Variants in FRMD4B observed in about 807,000 individuals in gnomAD.
FRMD4B encodes FERM domain containing 4B.
Under a neutral mutation model 141.5 loss-of-function variants are expected in FRMD4B, and 74 were observed. That is an observed-to-expected ratio of 0.52 (90% CI 0.43 to 0.63). The LOEUF (loss-of-function observed/expected upper bound fraction) is 0.63. Among genes scored for constraint, FRMD4B ranks in the 30% least tolerant of loss-of-function variants. The probability of loss-of-function intolerance (pLI) is 0.00; values close to 1 mark genes in which losing one functional copy is unlikely to be tolerated. For synonymous variants in FRMD4B, 506 were observed against 467.9 expected (o/e 1.08, Z -1.05); for missense variants, 1,366 against 1,253.4 (o/e 1.09, Z -1.36).
chr3:69,267,332 A>G (rs1322903009), intron 5 of FRMD4B, among the ~76,000 whole-genome samples: 2 of 152,126 alleles, frequency 1.3e-5, no homozygotes, highest in Non-Finnish European at 2.9e-5. Flanking sequence ...AGTTATACCC[A>G]CTAAATGCAA....
intron 11 of FRMD4B, among the ~76,000 whole-genome samples, chr3:69,203,341 A>AAAAAAAAAAAG (rs1553700373): frequency 1.7e-4 from 13 of 77,028 alleles, no homozygotes; most frequent in East Asian, 3.1e-4. Flanking sequence ...AAAAAAAAAA[A>AAAAAAAAAAAG]AAAGAAAGAA....
chr3:69,310,078 C>A (rs1701526840), intron 3 of FRMD4B, among the ~76,000 whole-genome samples: 1 of 152,190 alleles, frequency 6.6e-6, no homozygotes, highest in Admixed American at 6.5e-5. Context: ...TGAGAGATGT[C>A]TAGTGTACTT....
intron 5 of FRMD4B, among the ~76,000 whole-genome samples, chr3:69,258,196 G>C (rs1430781991): frequency 6.6e-6 from 1 of 152,022 alleles, no homozygotes; most frequent in Non-Finnish European, 1.5e-5. Context: ...GAACTCCTGG[G>C]CTCAAGCAAT....
intron 1 of FRMD4B, among the ~76,000 whole-genome samples, chr3:69,365,882 T>C (rs1326902120): frequency 6.6e-6 from 1 of 152,180 alleles, no homozygotes; most frequent in South Asian, 2.1e-4. Context: ...CTCCCACAAA[T>C]GTTTTATGTA....
intron 11 of FRMD4B, among the ~76,000 whole-genome samples, chr3:69,205,465 T>C (rs1380778875): frequency 6.6e-6 from 1 of 152,162 alleles, no homozygotes; most frequent in Non-Finnish European, 1.5e-5. Flanking sequence ...CGCCTTGGCT[T>C]CCTAAAGTGC....
rs1553691418 is a variant in FRMD4B at position 69,169,353 on chromosome 3, C to CTTCCTTTTTTTTTTTT, written c.*2507_*2508insAAAAAAAAAAAAGGAA. Among the ~76,000 whole-genome samples, 1 of 29,286 alleles carries CTTCCTTTTTTTTTTTT rather than the reference C, an allele frequency of 3.4e-5. No individual in the cohort carries two copies. 19.2% of individuals were successfully genotyped at this position (29,286 alleles called of 152,430 possible). A position where few individuals can be genotyped will look rare whatever the true frequency, so the allele number is the denominator to read the frequency against. ...AGGATTGCTGAACTTCCATTTCTTT[C>CTTCCTTTTTTTTTTTT]TTTTTTTTTTTTTTTTTTTTTTCTT... On this transcript the variant is annotated 3_prime_UTR_variant, in exon 23 of 23. Coordinates refer to ENST00000398540, the MANE Select transcript of FRMD4B (RefSeq NM_015123.3).
intron 1 of FRMD4B, among the ~76,000 whole-genome samples, chr3:69,443,442 T>G (rs1705368438): frequency 6.6e-6 from 1 of 152,306 alleles, no homozygotes; most frequent in South Asian, 2.1e-4. Context: ...GTGAAGTGTT[T>G]CTCTGAGTTC....
chr3:69,301,248 T>G (rs760298906), intron 4 of FRMD4B, among the ~76,000 whole-genome samples: 30 of 152,276 alleles, frequency 2.0e-4, no homozygotes, highest in African/African-American at 7.2e-4. Context: ...GGTCAGTACA[T>G]AAGGAGGGCT....
At chr3:69,510,489 G>T (rs543640058) in intron 1 of FRMD4B, among the ~76,000 whole-genome samples, 1 of 152,298 alleles carries the variant, frequency 6.6e-6, no homozygotes, top group East Asian at 1.9e-4. Flanking sequence ...CTTAGACGAA[G>T]TTCGGGTGTT....
chr3:69,279,141 CTT>C (rs1360753362), intron 5 of FRMD4B, among the ~76,000 whole-genome samples: 7 of 152,064 alleles, frequency 4.6e-5, no homozygotes, highest in Admixed American at 1.3e-4. Context: ...AGACTTAGGA[CTT>C]TTAGGCCACA....
chr3:69,199,271 C>CAA (rs79111173), intron 11 of FRMD4B: 16 of 152,480 alleles, frequency 1.0e-4, no homozygotes, highest in African/African-American at 3.6e-4. Flanking sequence ...GACTCCGTCT[C>CAA]AAAAAAAACA....
chr3:69,299,257 C>T (rs1575705794), intron 4 of FRMD4B, among the ~76,000 whole-genome samples: 1 of 152,102 alleles, frequency 6.6e-6, no homozygotes, highest in Non-Finnish European at 1.5e-5. Flanking sequence ...ATAAAACATA[C>T]CAACTTCAAA....
chr3:69,445,768 C>T (rs560784960), intron 1 of FRMD4B, among the ~76,000 whole-genome samples: 1 of 152,258 alleles, frequency 6.6e-6, no homozygotes, highest in South Asian at 2.1e-4. Context: ...GAATTCAACT[C>T]GCATGACCTT....
At chr3:69,319,892 G>A (rs1436276268) in intron 1 of FRMD4B, among the ~76,000 whole-genome samples, 1 of 152,216 alleles carries the variant, frequency 6.6e-6, no homozygotes, top group African/African-American at 2.4e-5. Flanking sequence ...TGGATCAGAT[G>A]AGTGGGTAGA....
At chr3:69,445,484 C>T (rs1206007276) in intron 1 of FRMD4B, among the ~76,000 whole-genome samples, 1 of 152,192 alleles carries the variant, frequency 6.6e-6, no homozygotes, top group Non-Finnish European at 1.5e-5. Context: ...TCCCACTTCT[C>T]ATTCATTAAA....
Position 69,265,448 on chromosome 3 carries a change from C to CTTT in FRMD4B, c.502-15352_502-15350dup, listed in dbSNP as rs560029423. 3.8e-3 allele frequency among the ~76,000 whole-genome samples: 357 copies of CTTT among 93,592 alleles called. 28 individuals are homozygous for CTTT. Among genetic ancestry groups the CTTT allele is most frequent in the Non-Finnish European group, 5.8e-3 (283 of 49,188 alleles). 61.4% of individuals were successfully genotyped at this position (93,592 alleles called of 152,430 possible). A position where few individuals can be genotyped will look rare whatever the true frequency, so the allele number is the denominator to read the frequency against. ...TGGCTAGGTGGCACATTTATTTGTC[C>CTTT]TTTTTTTTTTTTTTTTTTGAGATGA... On this transcript the variant is annotated intron_variant, in intron 5 of 22. Transcript: ENST00000398540.
intron 7 of FRMD4B, among the ~76,000 whole-genome samples, chr3:69,230,830 G>A (rs2093299454): frequency 6.6e-6 from 1 of 151,996 alleles, no homozygotes; most frequent in Admixed American, 6.6e-5. Flanking sequence ...TGCTTAAACT[G>A]TAATGTATTC....
intron 1 of FRMD4B, among the ~76,000 whole-genome samples, chr3:69,507,397 G>C (rs1306192323): frequency 6.6e-6 from 1 of 152,120 alleles, no homozygotes; most frequent in Non-Finnish European, 1.5e-5. Flanking sequence ...TTGTGTGTGT[G>C]TGTGTGTTTC....
At chr3:69,231,090 G>A (rs1575636387) in intron 7 of FRMD4B, among the ~76,000 whole-genome samples, 1 of 152,316 alleles carries the variant, frequency 6.6e-6, no homozygotes, top group East Asian at 1.9e-4. Flanking sequence ...GTTACTTCTT[G>A]GATGGGAGAC....
Sources: gnomAD v4.1 joint callset for allele counts (sites outside exome capture counted in the v4.1 genomes callset) on GRCh38, gnomAD v4.1.1 for gene constraint, MANE v1.5 for transcripts, NCBI Gene and HGNC (gene_info 2026-07-23, HGNC 2026-07-21) for gene names.